Variants in NXN observed in about 807,000 individuals in gnomAD.
NXN encodes nucleoredoxin.
A neutral mutation model predicts 48.6 loss-of-function variants in NXN; 16 were observed. The observed-to-expected ratio is 0.33, with a 90% CI of 0.22 to 0.50. The LOEUF is 0.50. Among genes scored for constraint, NXN ranks in the 20% least tolerant of loss-of-function variants. The pLI, the probability that NXN is intolerant of heterozygous loss-of-function variation, is 0.98. For synonymous variants in NXN, 281 were observed against 269.6 expected, an observed-to-expected ratio of 1.04 and a Z score of -0.41; for missense variants, 492 against 605.5, an observed-to-expected ratio of 0.81 and a Z score of 1.97.
chr17:925,596 C>T (rs374806820), intron 1 of NXN, among the ~76,000 whole-genome samples: 2 of 152,274 alleles, frequency 1.3e-5, no homozygotes, highest in East Asian at 3.9e-4. Flanking sequence ...ACCATGTTGG[C>T]CAGGCTGGTC....
intron 1 of NXN, among the ~76,000 whole-genome samples, chr17:838,411 C>G (rs965246417): frequency 6.6e-6 from 1 of 152,224 alleles, no homozygotes; most frequent in Admixed American, 6.5e-5. Flanking sequence ...GGATTACAGG[C>G]GTGAGCCACC....
chr17:808,969 A>G (rs1597613823), intron 5 of NXN, among the ~76,000 whole-genome samples: 1 of 152,166 alleles, frequency 6.6e-6, no homozygotes, highest in East Asian at 1.9e-4. Flanking sequence ...GAGGCACCGC[A>G]CCCAGCCATT....
At position 968,979 on chromosome 17, in the gene NXN, AAAG is replaced by A. The variant is rs138660370; in HGVS notation, c.360+10337_360+10339del. ...AAAGAAAAAGAAAAGAAAAGAAAGA[AAAG>A]AAGCAAAAAAATGAAGAGAAACCAG... is the stretch of plus-strand genomic sequence containing the variant. On this transcript the variant is annotated intron_variant, in intron 1 of 7. Coordinates refer to ENST00000336868, the MANE Select transcript of NXN (RefSeq NM_022463.5). Among the ~76,000 whole-genome samples, 208 of 152,180 alleles carry A rather than the reference AAAG, an allele frequency of 1.4e-3. 2 individuals carry two copies. In the East Asian group the frequency reaches 0.033, roughly 24 times the overall value.
chr17:957,262 G>C (rs1220902750), intron 1 of NXN, among the ~76,000 whole-genome samples: 1 of 151,532 alleles, frequency 6.6e-6, no homozygotes, highest in African/African-American at 2.4e-5. Flanking sequence ...AAAACACCTA[G>C]AGGAACTTCC....
At chr17:975,230 G>C (rs1024641421) in intron 1 of NXN, among the ~76,000 whole-genome samples, 5 of 152,204 alleles carry the variant, frequency 3.3e-5, no homozygotes, top group Non-Finnish European at 5.9e-5. Flanking sequence ...TTCTTATGAA[G>C]AAGGCAGAAA....
chr17:864,568 A>G (rs1238305578), intron 1 of NXN, among the ~76,000 whole-genome samples: 2 of 152,212 alleles, frequency 1.3e-5, no homozygotes, highest in Non-Finnish European at 2.9e-5. Context: ...TGAGACCAAC[A>G]TGAGTGTGAG....
intron 5 of NXN, among the ~76,000 whole-genome samples, chr17:813,854 T>TAG (rs1242898555): frequency 4.0e-5 from 6 of 151,886 alleles, no homozygotes; most frequent in Admixed American, 1.3e-4. Context: ...TAATCCCAGC[T>TAG]ACTCAGGAGG....
intron 5 of NXN, 98 bp downstream of exon 5, chr17:819,341 T>G (rs1912677483): frequency 1.2e-6 from 1 of 820,114 alleles, no homozygotes; most frequent in South Asian, 1.4e-5. Flanking sequence ...TTCATGGAAA[T>G]AATGATGCTC....
At position 809,150 on chromosome 17, in the gene NXN, G is replaced by A. The variant is rs4968115; in HGVS notation, c.821-3903C>T. Among the ~76,000 whole-genome samples the A allele has an allele frequency of 4.5e-3, 681 of 152,264 alleles. 9 individuals carry two copies. Among genetic ancestry groups the A allele is most frequent in the East Asian group, 0.029 (150 of 5,180 alleles). On this transcript the variant is annotated intron_variant, in intron 5 of 7. Transcript: ENST00000336868. The stretch of plus-strand genomic sequence containing the variant: ...CTGTCAAGACCGTGGTGAGGGTTCC[G>A]GCAACAGTGTGATGTCTGCCAAGGG...
intron 1 of NXN, among the ~76,000 whole-genome samples, chr17:875,703 C>T (rs909791272): frequency 4.6e-5 from 7 of 151,612 alleles, no homozygotes; most frequent in Non-Finnish European, 1.0e-4. Context: ...AGTGATCCTA[C>T]CACCTCAGCC....
chr17:914,831 A>G (rs1479695799), intron 1 of NXN, among the ~76,000 whole-genome samples: 1 of 152,206 alleles, frequency 6.6e-6, no homozygotes, highest in African/African-American at 2.4e-5. Flanking sequence ...GGAGGAGCTG[A>G]TGAGTGCGTG....
At chr17:862,488 C>A (rs1347331918) in intron 1 of NXN, among the ~76,000 whole-genome samples, 2 of 152,230 alleles carry the variant, frequency 1.3e-5, no homozygotes, top group African/African-American at 4.8e-5. Flanking sequence ...TCTGCCACTG[C>A]AACCCAGCCT....
chr17:868,692 C>T (rs533548312), intron 1 of NXN, among the ~76,000 whole-genome samples: 43 of 152,250 alleles, frequency 2.8e-4, no homozygotes, highest in African/African-American at 1.0e-3. Flanking sequence ...CGGGGTTTCA[C>T]CACGTTAGCC....
rs553678056 is a variant in NXN at position 839,797 on chromosome 17, T to TAAAAAAAAAAA, written c.361-13730_361-13720dup. Among the ~76,000 whole-genome samples the TAAAAAAAAAAA allele has an allele frequency of 8.9e-4, 51 of 57,230 alleles. 2 individuals carry two copies. Among genetic ancestry groups the TAAAAAAAAAAA allele is most frequent in the Non-Finnish European group, 1.2e-3 (38 of 31,968 alleles). The allele number at this position is 57,230 out of a possible 152,430, so 37.5% of individuals were successfully genotyped here. A position where few individuals can be genotyped will look rare whatever the true frequency, so the allele number is the denominator to read the frequency against. On this transcript the variant is annotated intron_variant, in intron 1 of 7. Transcript: ENST00000336868. ...CAGCCTGGCGACAGAGAGACCTTGTTAAAAAAAAAAAAAAAAAGGCCAGGC... is the reference window on the plus strand; with the variant it reads ...CAGCCTGGCGACAGAGAGACCTTGTTAAAAAAAAAAAAAAAAAAAAAAAAAAAAGGCCAGGC...
At chr17:871,508 G>T (rs2068154678) in intron 1 of NXN, among the ~76,000 whole-genome samples, 1 of 143,990 alleles carries the variant, frequency 6.9e-6, no homozygotes. Flanking sequence ...GGGTTCAAAT[G>T]ATTCTCCTGC....
At chr17:948,710 G>GCCCGT (rs1273628529) in intron 1 of NXN, among the ~76,000 whole-genome samples, 2 of 151,846 alleles carry the variant, frequency 1.3e-5, no homozygotes, top group African/African-American at 4.8e-5. Flanking sequence ...CCTCACCCCG[G>GCCCGT]CCCGTCCCGC....
At chr17:951,786 G>A (rs997332637) in intron 1 of NXN, among the ~76,000 whole-genome samples, 1 of 152,204 alleles carries the variant, frequency 6.6e-6, no homozygotes, top group Admixed American at 6.5e-5. Flanking sequence ...ACCTTCACCT[G>A]GGGTCCCGTG....
intron 1 of NXN, among the ~76,000 whole-genome samples, chr17:847,381 A>C (rs1597659604): frequency 6.6e-6 from 1 of 152,094 alleles, no homozygotes; most frequent in South Asian, 2.1e-4. Flanking sequence ...AAATATTTAC[A>C]ATGATGTGAG....
At chr17:891,904 C>A (rs1315902061) in intron 1 of NXN, among the ~76,000 whole-genome samples, 1 of 131,402 alleles carries the variant, frequency 7.6e-6, no homozygotes, top group Admixed American at 7.7e-5. Flanking sequence ...CAACAGGGAA[C>A]CTAAACTAAC....
Sources: allele counts gnomAD v4.1 joint callset (sites outside exome capture counted in the v4.1 genomes callset), GRCh38; gene constraint gnomAD v4.1.1; transcripts MANE v1.5; gene names NCBI Gene and HGNC (gene_info 2026-07-23, HGNC 2026-07-21).